CCDC33: variants seen among roughly 807,000 people sequenced by gnomAD.
CCDC33 encodes the protein coiled-coil domain-containing protein 33.
CCDC33 carries 94 observed loss-of-function variants against 91.9 expected under a neutral mutation model. That is an observed-to-expected ratio of 1.02 (90% CI 0.87 to 1.21). The LOEUF (loss-of-function observed/expected upper bound fraction) is 1.21. CCDC33 is among the 50% of genes most tolerant of loss of function. CCDC33 has a pLI of 0.00. For synonymous variants in CCDC33, 396 were observed against 374.5 expected (o/e 1.06, Z -0.66); for missense variants, 940 against 935.5 (o/e 1.00, Z -0.06).
Position 74,218,838 on chromosome 15 carries a change from G to T in CCDC33, c.652G>T (p.Glu218Ter). The change falls in exon 2 of 3, where the codon GAG becomes TAG. Residue 218 changes from glutamate to a stop codon, truncating the protein, a stop_gained. Coordinates refer to the CCDC33 transcript ENST00000635913. LOFTEE classifies it low-confidence loss of function (END_TRUNC). This position sits in a 1 kb window ranked among gnomAD's most constrained non-coding sequence, Gnocchi z 4.8. ...GCCAGAACTGATGTCACCATGCCCA[G>T]AGCCCCAGCTCCCCATACTGCAGGT... 1 of 1,253,246 alleles carries T rather than the reference G, an allele frequency of 8.0e-7. No homozygotes were observed. The allele number at this position is 1,253,246 out of a possible 1,614,324, so 77.6% of individuals were successfully genotyped here. A position where few individuals can be genotyped will look rare whatever the true frequency, so the allele number is the denominator to read the frequency against.
chr15:74,330,907 GAGGTGGACCCTCAGGGCCA>G lies in CCDC33; in HGVS notation c.1546-65_1546-47del, dbSNP rs568052132. On this transcript the variant is annotated intron_variant, in intron 13 of 18. Transcript: ENST00000398814. The stretch of plus-strand genomic sequence containing the variant: ...TGGTGGAGGATTCAGCAGAGGGGCC[GAGGTGGACCCTCAGGGCCA>G]AGGTGGACTCCCAGGCACCCATTCT... 5.1e-4 allele frequency: 774 copies of G among 1,531,454 alleles called. 4 individuals are homozygous for G. The African/African-American group carries it at 6.3e-3, about 12-fold the overall frequency. 94.9% of individuals were successfully genotyped at this position (1,531,454 alleles called of 1,614,324 possible). A position where few individuals can be genotyped will look rare whatever the true frequency, so the allele number is the denominator to read the frequency against.
intron 11 of CCDC33, among the ~76,000 whole-genome samples, chr15:74,320,153 C>G (rs1382250092): frequency 1.3e-5 from 2 of 152,134 alleles, no homozygotes; most frequent in Admixed American, 1.3e-4. Context: ...TCTAGAAACT[C>G]CTGTGACTCC....
intron 2 of CCDC33, among the ~76,000 whole-genome samples, chr15:74,222,442 A>G (rs1400639193): frequency 1.3e-5 from 2 of 151,730 alleles, no homozygotes; most frequent in African/African-American, 2.4e-5. Context: ...CCTCTTCCCA[A>G]CAATCGCAGT....
At chr15:74,334,269 G>A (rs559662477) in intron 17 of CCDC33, among the ~76,000 whole-genome samples, 17 of 151,842 alleles carry the variant, frequency 1.1e-4, no homozygotes, top group African/African-American at 3.9e-4. Context: ...CAGGGTTAGG[G>A]TTCAGTGTGT....
intron 11 of CCDC33, chr15:74,318,445 A>G (rs1567029723): frequency 5.9e-6 from 3 of 505,856 alleles, no homozygotes. Flanking sequence ...CCACCCAGAC[A>G]CCCCCCACCC....
Position 74,221,216 on chromosome 15 carries a change from GTTTTTT to G in CCDC33, c.675+2377_675+2382del, listed in dbSNP as rs56039521. ...CCAGTTTGTGTAGTGTGTGGCACTG[GTTTTTT>G]TTTTTTTTTTTTTTTTTTTTTCACC... On this transcript the variant is annotated intron_variant, in intron 2 of 2. Transcript: ENST00000635913. 1,974 of 675,330 alleles carry G rather than the reference GTTTTTT, an allele frequency of 2.9e-3. 1 individual carries two copies. Among genetic ancestry groups the G allele is most frequent in the Non-Finnish European group, 3.1e-3 (1,852 of 599,062 alleles). 41.8% of individuals were successfully genotyped at this position (675,330 alleles called of 1,614,324 possible).
intron 10 of CCDC33, among the ~76,000 whole-genome samples, chr15:74,294,624 G>A (rs1396549910): frequency 6.6e-6 from 1 of 151,822 alleles, no homozygotes; most frequent in African/African-American, 2.4e-5. Context: ...GCGGATGCCT[G>A]TAGTCCCAGC....
upstream of CCDC33, among the ~76,000 whole-genome samples, chr15:74,232,911 C>T (rs767237730): frequency 1.1e-4 from 17 of 152,190 alleles, no homozygotes; most frequent in African/African-American, 2.4e-4. Context: ...TCTCCACCAG[C>T]GCTTGAGCCT....
chr15:74,239,833 G>T (rs1311591704), intron 1 of CCDC33, among the ~76,000 whole-genome samples: 2 of 152,296 alleles, frequency 1.3e-5, no homozygotes, highest in East Asian at 3.9e-4. Context: ...GAGTTACGGG[G>T]GGGGTACCCC....
intron 2 of CCDC33, among the ~76,000 whole-genome samples, chr15:74,220,230 C>G (rs2074554502): frequency 6.6e-6 from 1 of 152,176 alleles, no homozygotes; most frequent in Admixed American, 6.5e-5. Flanking sequence ...ACCCAGGGAC[C>G]AGCTTCTCTT....
intron 2 of CCDC33, among the ~76,000 whole-genome samples, chr15:74,230,893 A>G (rs1318011277): frequency 2.0e-5 from 3 of 152,204 alleles, no homozygotes; most frequent in African/African-American, 4.8e-5. Flanking sequence ...TGGCAGAACC[A>G]GGGTTAGAGC....
At position 74,325,538 on chromosome 15, in the gene CCDC33, C is replaced by A. The variant is rs139146759; in HGVS notation, c.1291-4651C>A. 6.9e-3 allele frequency among the ~76,000 whole-genome samples: 1,035 copies of A among 150,672 alleles called. 3 individuals carry two copies. The highest frequency in any genetic ancestry group is 0.012 in the Non-Finnish European group (808 of 67,496). ...CCATCTCCTTGGTGTAGATGGGAGACCATCACAAGCAGGGACGGTCTGGGC... is the reference window on the plus strand; with the variant it reads ...CCATCTCCTTGGTGTAGATGGGAGAACATCACAAGCAGGGACGGTCTGGGC... On this transcript the variant is annotated intron_variant, in intron 11 of 18. Coordinates refer to ENST00000398814, the MANE Select transcript of CCDC33 (RefSeq NM_025055.5).
At chr15:74,232,084 C>G (rs1041041451), upstream of CCDC33, among the ~76,000 whole-genome samples, 2 of 152,118 alleles carry the variant, frequency 1.3e-5, no homozygotes, top group African/African-American at 4.8e-5. Flanking sequence ...TGACATGGCG[C>G]AGGTCAACTC....
At chr15:74,225,117 C>CGTGTGTGTGT (rs3057568) in intron 2 of CCDC33, among the ~76,000 whole-genome samples, 2,301 of 139,892 alleles carry the variant, frequency 0.016, 70 homozygotes, top group African/African-American at 0.055. Flanking sequence ...CTCCTGGAGG[C>CGTGTGTGTGT]GTGTGTGTGT....
chr15:74,225,696 G>A (rs548024337), intron 2 of CCDC33, among the ~76,000 whole-genome samples: 1 of 152,278 alleles, frequency 6.6e-6, no homozygotes, highest in East Asian at 1.9e-4. Flanking sequence ...GTGAGAAAGG[G>A]ACTTGGGGAC....
At chr15:74,268,838 C>T (rs2076241520) in intron 5 of CCDC33, among the ~76,000 whole-genome samples, 1 of 152,212 alleles carries the variant, frequency 6.6e-6, no homozygotes, top group Non-Finnish European at 1.5e-5. Context: ...GAGCCCACAG[C>T]CCAGCAGTTT....
intron 1 of CCDC33, chr15:74,207,848 G>C: frequency 6.5e-7 from 1 of 1,530,568 alleles, no homozygotes; most frequent in East Asian, 2.5e-5. Flanking sequence ...CTTAATTCTG[G>C]CACCAGACCA....
chr15:74,267,998 C>T (rs1455326886), intron 4 of CCDC33, among the ~76,000 whole-genome samples: 1 of 152,206 alleles, frequency 6.6e-6, no homozygotes, highest in African/African-American at 2.4e-5. Flanking sequence ...AGATGTGCTA[C>T]TCACCCTGGG....
chr15:74,211,363 C>T (rs2142124894), intron 2 of CCDC33, among the ~76,000 whole-genome samples: 1 of 147,978 alleles, frequency 6.8e-6, no homozygotes, highest in African/African-American at 2.5e-5. Context: ...CTGCCTACTG[C>T]TGGGTCTCTC....
Sources: allele counts gnomAD v4.1 joint callset (sites outside exome capture counted in the v4.1 genomes callset), GRCh38; gene constraint gnomAD v4.1.1; non-coding constraint Gnocchi (gnomAD v3.1); transcripts MANE v1.5; gene names NCBI Gene and HGNC (gene_info 2026-07-23, HGNC 2026-07-21).